Variants in TMPRSS9 observed in about 807,000 individuals in gnomAD.
TMPRSS9 encodes transmembrane protease serine 9.
In TMPRSS9, 113 loss-of-function variants were observed where a neutral mutation model predicts 111.4. The observed-to-expected ratio is 1.01, with a 90% CI of 0.87 to 1.19. TMPRSS9 has a LOEUF of 1.19. TMPRSS9 is among the 50% of genes most tolerant of loss of function. The probability of loss-of-function intolerance (pLI) is 0.00; values close to 1 mark genes in which losing one functional copy is unlikely to be tolerated. For synonymous variants in TMPRSS9, 805 were observed against 659.1 expected (o/e 1.22, Z -3.39); for missense variants, 1,803 against 1,513.1 (o/e 1.19, Z -3.18).
At chr19:2,408,728 G>A in intron 8 of TMPRSS9, 98 bp downstream of exon 9, 1 of 1,482,320 alleles carries the variant, frequency 6.7e-7, no homozygotes, top group South Asian at 1.3e-5. Context: ...TGTCATCCCA[G>A]CACTTTGGGA....
intron 5 of TMPRSS9, among the ~76,000 whole-genome samples, chr19:2,402,687 G>A (rs1159953828): frequency 2.0e-5 from 3 of 152,216 alleles, no homozygotes; most frequent in Admixed American, 6.5e-5. Flanking sequence ...GCGGTGAGCC[G>A]CGATTGTGCC....
At chr19:2,365,561 G>A (rs1970241450) in intron 1 of TMPRSS9, among the ~76,000 whole-genome samples, 2 of 151,964 alleles carry the variant, frequency 1.3e-5, no homozygotes, top group African/African-American at 4.8e-5. Context: ...CGAATGGGAT[G>A]GACGTGTCCG....
intron 1 of TMPRSS9, among the ~76,000 whole-genome samples, chr19:2,395,795 C>T (rs942047275): frequency 6.6e-6 from 1 of 152,220 alleles, no homozygotes; most frequent in East Asian, 1.9e-4. Context: ...ATCACGAGGT[C>T]AGGAGATAGA....
exon 1 of TMPRSS9, among the ~76,000 whole-genome samples, chr19:2,360,323 G>A (rs2145231166): frequency 6.6e-6 from 1 of 152,146 alleles, no homozygotes; most frequent in East Asian, 1.9e-4. Context: ...TGCGGGCTCA[G>A]CCTCCCCTCG....
intron 1 of TMPRSS9, among the ~76,000 whole-genome samples, chr19:2,368,774 G>GTTTTTTGTTTTTTTTTTTTTT (rs1970266065): frequency 1.4e-5 from 1 of 70,366 alleles, no homozygotes; most frequent in African/African-American, 6.0e-5. Context: ...GATAAACCCA[G>GTTTTTTGTTTTTTTTTTTTTT]TTTTTTTTTT....
chr19:2,412,843 A>G (rs919931644), intron 9 of TMPRSS9, among the ~76,000 whole-genome samples: 4 of 152,150 alleles, frequency 2.6e-5, no homozygotes, highest in African/African-American at 9.7e-5. Flanking sequence ...AGATTGCCAT[A>G]TTGAAACCAG....
chr19:2,416,729 G>T, exon 12 of TMPRSS9: 1 of 1,613,144 alleles, frequency 6.2e-7, no homozygotes, highest in Non-Finnish European at 8.5e-7. Flanking sequence ...CAGCCTGTCT[G>T]CCTGCCCCTG....
chr19:2,365,630 CA>C (rs1048212095), intron 1 of TMPRSS9, among the ~76,000 whole-genome samples: 2 of 149,864 alleles, frequency 1.3e-5, no homozygotes, highest in South Asian at 2.1e-4. Context: ...ACAAAAAAAA[CA>C]AAAAAACTAC....
At chr19:2,368,360 C>T (rs925167291) in intron 1 of TMPRSS9, among the ~76,000 whole-genome samples, 2 of 150,708 alleles carry the variant, frequency 1.3e-5, no homozygotes, top group Non-Finnish European at 2.9e-5. Context: ...GTGAAGGGCA[C>T]ATTAGGGTAT....
chr19:2,389,234 T>C (rs7507506), upstream of TMPRSS9, among the ~76,000 whole-genome samples: 84,481 of 148,808 alleles, frequency 0.57, 24,194 homozygotes, highest in Middle Eastern at 0.64. Flanking sequence ...CCACCACGCC[T>C]GACTAATTTT....
chr19:2,404,313 T>G (rs965688032), intron 6 of TMPRSS9, among the ~76,000 whole-genome samples: 1 of 151,934 alleles, frequency 6.6e-6, no homozygotes, highest in Non-Finnish European at 1.5e-5. Context: ...CTAAAATAAA[T>G]CAATATCCAA....
intron 1 of TMPRSS9, among the ~76,000 whole-genome samples, chr19:2,365,824 CATG>C (rs1269856573): frequency 2.6e-5 from 4 of 151,990 alleles, no homozygotes; most frequent in Middle Eastern, 3.2e-3. Flanking sequence ...ATGAGCCAGG[CATG>C]GTGGTGTGCA....
chr19:2,403,245 G>A (rs1428263199), intron 6 of TMPRSS9, 50 bp downstream of exon 7: 3 of 1,458,332 alleles, frequency 2.1e-6, no homozygotes, highest in Admixed American at 1.9e-5. Flanking sequence ...CTTTTCCAGG[G>A]TCAGCTGCTG....
intron 4 of TMPRSS9, among the ~76,000 whole-genome samples, chr19:2,400,504 TG>T (rs1475654604): frequency 1.3e-5 from 2 of 151,646 alleles, no homozygotes; most frequent in African/African-American, 2.4e-5. Context: ...GTTGCACTAC[TG>T]CACTCCAGCC....
intron 9 of TMPRSS9, among the ~76,000 whole-genome samples, chr19:2,411,325 AAAAAAAAAGAG>A (rs1468331332): frequency 3.6e-5 from 5 of 139,870 alleles, no homozygotes; most frequent in Non-Finnish European, 7.7e-5. Flanking sequence ...AAAAAAAAAA[AAAAAAAAAGAG>A]AAAATCAGGG....
chr19:2,425,109 ATC>A lies in TMPRSS9; in HGVS notation c.2829_2830del (p.Tyr944HisfsTer98), dbSNP rs777232487. ...CGCATCTACAAGCACCCGTTCTACA[ATC>A]TCTACACGCTCGACTACGACGTGGC... is the stretch of plus-strand genomic sequence containing the variant. On this transcript the variant is annotated frameshift_variant, in exon 16 of 18. Transcript: ENST00000648592. LOFTEE classifies it high-confidence loss of function. The A allele has an allele frequency of 5.7e-6, 9 of 1,583,840 alleles. No individual in the cohort carries two copies. The highest frequency in any genetic ancestry group is 1.7e-5 in the Admixed American group (1 of 58,894).
chr19:2,394,511 G>A (rs1255055187), intron 1 of TMPRSS9, among the ~76,000 whole-genome samples: 1 of 152,190 alleles, frequency 6.6e-6, no homozygotes, highest in Non-Finnish European at 1.5e-5. Flanking sequence ...GCAACTTCCT[G>A]AATCTGCAGT....
chr19:2,393,921 A>AT (rs1568176859), intron 1 of TMPRSS9, among the ~76,000 whole-genome samples: 3 of 106,310 alleles, frequency 2.8e-5, no homozygotes, highest in Non-Finnish European at 4.0e-5. Flanking sequence ...AAAAAAAAAA[A>AT]GCTGGGCGCG....
chr19:2,390,718 G>C (rs72971423), intron 1 of TMPRSS9, among the ~76,000 whole-genome samples: 7 of 151,232 alleles, frequency 4.6e-5, no homozygotes, highest in African/African-American at 1.7e-4. Context: ...TTACCCAGGC[G>C]TGGTGGCACC....
Sources: allele counts gnomAD v4.1 joint callset (sites outside exome capture counted in the v4.1 genomes callset), GRCh38; gene constraint gnomAD v4.1.1; transcripts MANE v1.5; gene names NCBI Gene and HGNC (gene_info 2026-07-23, HGNC 2026-07-21).